The following PRKN variants were observed in gnomAD, a reference collection of about 807,000 sequenced individuals.
The protein encoded by PRKN is parkin RBR E3 ubiquitin protein ligase, also known as E3 ubiquitin-protein ligase parkin.
PRKN carries 56 observed loss-of-function variants against 59.5 expected under a neutral mutation model. That is an observed-to-expected ratio of 0.94 (90% CI 0.76 to 1.18). The LOEUF is 1.18. Ranked by LOEUF, PRKN falls within the 50% of genes most tolerant of loss-of-function variation. The probability of loss-of-function intolerance (pLI) is 0.00; values close to 1 mark genes in which losing one functional copy is unlikely to be tolerated. For missense variants in PRKN, 657 were observed against 596.4 expected (o/e 1.10, Z -1.06); for synonymous variants, 250 against 222.1 (o/e 1.13, Z -1.12).
intron 4 of PRKN, among the ~76,000 whole-genome samples, chr6:162,070,826 C>T (rs2023060): frequency 0.3 from 45,470 of 151,948 alleles, 7,575 homozygotes; most frequent in East Asian, 0.62. Context: ...CTGTAATGCT[C>T]GCTCGCCTAC....
chr6:161,962,008 T>G (rs1055191161), intron 6 of PRKN, among the ~76,000 whole-genome samples: 1 of 152,198 alleles, frequency 6.6e-6, no homozygotes, highest in African/African-American at 2.4e-5. Context: ...TTTCCTGTGA[T>G]GCAGAATGTG....
intron 7 of PRKN, among the ~76,000 whole-genome samples, chr6:161,754,656 A>G (rs1788837909): frequency 6.6e-6 from 1 of 152,158 alleles, no homozygotes; most frequent in African/African-American, 2.4e-5. Context: ...GGGCCAACTC[A>G]CATCCCTTTT....
chr6:162,034,219 A>T (rs1031345151), intron 5 of PRKN, among the ~76,000 whole-genome samples: 7 of 144,666 alleles, frequency 4.8e-5, no homozygotes, highest in African/African-American at 1.0e-4. Flanking sequence ...AGAGAGAGAG[A>T]GTGTCTACTA....
intron 9 of PRKN, among the ~76,000 whole-genome samples, chr6:161,421,996 G>A (rs181586585): frequency 6.6e-6 from 1 of 152,146 alleles, no homozygotes; most frequent in East Asian, 1.9e-4. Flanking sequence ...TTTCTATGTA[G>A]CATTTCTGTT....
intron 6 of PRKN, among the ~76,000 whole-genome samples, chr6:161,793,059 A>G (rs942260640): frequency 6.6e-6 from 1 of 152,226 alleles, no homozygotes; most frequent in African/African-American, 2.4e-5. Context: ...ATTTCAGCCC[A>G]CGTGGGTCGT....
At chr6:162,513,435 C>T (rs1300638213) in intron 1 of PRKN, among the ~76,000 whole-genome samples, 1 of 150,830 alleles carries the variant, frequency 6.6e-6, no homozygotes, top group East Asian at 2.0e-4. Context: ...GCTAACACCA[C>T]TGCACTCCAG....
At chr6:161,438,322 A>G (rs1789025581) in intron 9 of PRKN, among the ~76,000 whole-genome samples, 1 of 144,900 alleles carries the variant, frequency 6.9e-6, no homozygotes, top group Non-Finnish European at 1.5e-5. Flanking sequence ...GGTTCAAGTG[A>G]TTCTCCTGCC....
intron 4 of PRKN, among the ~76,000 whole-genome samples, chr6:162,166,651 G>C (rs1477418885): frequency 6.6e-6 from 1 of 152,176 alleles, no homozygotes; most frequent in Non-Finnish European, 1.5e-5. Flanking sequence ...TCAAAAATGA[G>C]ACGAATTGGT....
chr6:161,463,310 C>G lies in PRKN; in HGVS notation c.1084-76433G>C, dbSNP rs1388553323. Among the ~76,000 whole-genome samples, 2 of 152,216 alleles carry G rather than the reference C, an allele frequency of 1.3e-5. No individual in the cohort carries two copies. Among genetic ancestry groups the G allele is most frequent in the Non-Finnish European group, 2.9e-5 (2 of 68,034 alleles). On this transcript the variant is annotated intron_variant, in intron 9 of 11. Transcript: ENST00000366898. The surrounding 1 kb of genome is among the most constrained non-coding windows in gnomAD (Gnocchi z 4.8). ...AGGATGCCAAAACTTTCCCAGCTTT[C>G]AGAATGACGACTGTTTGGTTCTACC...
At chr6:162,306,173 A>G (rs1311884181) in intron 2 of PRKN, among the ~76,000 whole-genome samples, 1 of 152,202 alleles carries the variant, frequency 6.6e-6, no homozygotes, top group African/African-American at 2.4e-5. Flanking sequence ...AGAATTCTAC[A>G]AGAAGTAACC....
rs535744313 is a variant in PRKN, at chr6:161,629,856, G to T, written c.872-60440C>A. 2.6e-5 allele frequency among the ~76,000 whole-genome samples: 4 copies of T among 152,278 alleles called. No individual in the cohort carries two copies. The East Asian group carries it at 7.7e-4, about 29-fold the overall frequency. On this transcript the variant is annotated intron_variant, in intron 7 of 11. Coordinates refer to ENST00000366898, the MANE Select transcript of PRKN (RefSeq NM_004562.3). ...CTAGTGACCCACATCTTTGTGATTT[G>T]CTAATGCTGATAAAAGCTTTGTTGA... is the stretch of plus-strand genomic sequence containing the variant.
intron 6 of PRKN, among the ~76,000 whole-genome samples, chr6:161,935,424 T>C (rs1362065281): frequency 3.3e-5 from 5 of 151,846 alleles, no homozygotes; most frequent in Non-Finnish European, 5.9e-5. Context: ...TGTGGTGGTA[T>C]GTACCTGTAA....
rs1792663398 is a variant in PRKN at position 161,834,625 on chromosome 6, A to G, written c.735-48717T>C. 2.0e-5 allele frequency among the ~76,000 whole-genome samples: 3 copies of G among 152,244 alleles called. No individual in the cohort carries two copies. In the South Asian group the frequency reaches 6.2e-4, roughly 31 times the overall value. On this transcript the variant is annotated intron_variant, in intron 6 of 11. Transcript: ENST00000366898. ...CCGGCTGGAAGCTTCAGATTGTTACATTGTAGACACTGCATTCTGCAAATT... is the reference window on the plus strand; with the variant it reads ...CCGGCTGGAAGCTTCAGATTGTTACGTTGTAGACACTGCATTCTGCAAATT...
intron 1 of PRKN, among the ~76,000 whole-genome samples, chr6:162,488,034 T>TG (rs56972562): frequency 0.083 from 7,844 of 94,482 alleles, 336 homozygotes; most frequent in East Asian, 0.24. Flanking sequence ...TCCCTTTTTT[T>TG]TTTTTTTTTT....
chr6:161,569,246 G>T, intron 8 of PRKN, 109 bp downstream of exon 8: 1 of 940,616 alleles, frequency 1.1e-6, no homozygotes, highest in South Asian at 1.3e-5. Flanking sequence ...CCCCATTTCA[G>T]GGCACCCAGG....
At chr6:162,455,723 T>C (rs1790839840) in intron 1 of PRKN, among the ~76,000 whole-genome samples, 1 of 151,988 alleles carries the variant, frequency 6.6e-6, no homozygotes. Flanking sequence ...GCGGTCACTT[T>C]CCACAAATGG....
intron 1 of PRKN, among the ~76,000 whole-genome samples, chr6:162,655,301 T>C (rs1251716536): frequency 6.6e-6 from 1 of 152,192 alleles, no homozygotes; most frequent in African/African-American, 2.4e-5. Flanking sequence ...AAGAATTTCC[T>C]TGGTAGTTTT....
At chr6:162,370,475 C>T (rs1785702391) in intron 2 of PRKN, among the ~76,000 whole-genome samples, 1 of 152,074 alleles carries the variant, frequency 6.6e-6, no homozygotes, top group Admixed American at 6.6e-5. Flanking sequence ...CTTCATTTCC[C>T]CAAATTACAT....
chr6:161,384,321 G>C (rs1786133278), intron 10 of PRKN, among the ~76,000 whole-genome samples: 1 of 152,174 alleles, frequency 6.6e-6, no homozygotes, highest in African/African-American at 2.4e-5. Flanking sequence ...TGGGAGGCTT[G>C]CTTGAGCTCA....
Sources: gnomAD v4.1 joint callset for allele counts (sites outside exome capture counted in the v4.1 genomes callset) on GRCh38, gnomAD v4.1.1 for gene constraint, Gnocchi (gnomAD v3.1) non-coding constraint, MANE v1.5 for transcripts, NCBI Gene and HGNC (gene_info 2026-07-23, HGNC 2026-07-21) for gene names.